LYPD6B: variants seen among roughly 807,000 people sequenced by gnomAD.
LYPD6B encodes the protein ly6/PLAUR domain-containing protein 6B.
In LYPD6B, 17 loss-of-function variants were observed where a neutral mutation model predicts 22.8. The ratio of observed to expected loss-of-function variants is 0.75; its 90% CI spans 0.51 to 1.12. LYPD6B has a LOEUF of 1.12. Among genes scored for constraint, LYPD6B ranks in the 50% most tolerant of loss-of-function variants. The pLI is 0.00. For missense variants in LYPD6B, 221 were observed against 258.3 expected (o/e 0.86, Z 0.99); for synonymous variants, 106 against 91.6 (o/e 1.16, Z -0.90).
At chr2:149,177,391 GTA>G (rs756923159) in intron 3 of LYPD6B, among the ~76,000 whole-genome samples, 2 of 152,182 alleles carry the variant, frequency 1.3e-5, no homozygotes, top group African/African-American at 2.4e-5. Flanking sequence ...TATCTTGGCA[GTA>G]AAGAGAGATG....
At chr2:149,185,382 C>T (rs72981296) in intron 3 of LYPD6B, among the ~76,000 whole-genome samples, 1 of 152,158 alleles carries the variant, frequency 6.6e-6, no homozygotes, top group East Asian at 1.9e-4. Flanking sequence ...GGGAACCTAT[C>T]CCTGATTAGA....
intron 3 of LYPD6B, among the ~76,000 whole-genome samples, chr2:149,201,959 A>G (rs1693188107): frequency 6.6e-6 from 1 of 152,216 alleles, no homozygotes; most frequent in African/African-American, 2.4e-5. Flanking sequence ...CCTCACTTGT[A>G]CAATGATAAT....
intron 3 of LYPD6B, among the ~76,000 whole-genome samples, chr2:149,195,359 A>G (rs551331762): frequency 5.9e-5 from 9 of 152,352 alleles, no homozygotes; most frequent in Middle Eastern, 3.4e-3. Flanking sequence ...CCTTCAAAGC[A>G]GAATGGGAAG....
intron 3 of LYPD6B, among the ~76,000 whole-genome samples, chr2:149,191,043 C>G (rs1481394560): frequency 6.6e-6 from 1 of 152,098 alleles, no homozygotes; most frequent in Non-Finnish European, 1.5e-5. Context: ...CAATTTTAAG[C>G]TTATACAAAT....
At chr2:149,147,956 T>C (rs1689141268) in intron 2 of LYPD6B, among the ~76,000 whole-genome samples, 1 of 108,216 alleles carries the variant, frequency 9.2e-6, no homozygotes, top group Non-Finnish European at 2.1e-5. Context: ...TCAGAGATGA[T>C]GGTAGTCATG....
At chr2:149,170,014 G>C (rs1269006551) in intron 3 of LYPD6B, among the ~76,000 whole-genome samples, 2 of 152,156 alleles carry the variant, frequency 1.3e-5, no homozygotes, top group East Asian at 3.9e-4. Flanking sequence ...AATGTGCCTT[G>C]GACATGGAAG....
rs373810823 is a variant in LYPD6B at position 149,191,849 on chromosome 2, G to A, written c.78-13404G>A. 3.7e-4 allele frequency among the ~76,000 whole-genome samples: 56 copies of A among 152,302 alleles called. No homozygotes were observed. The South Asian group carries it at 3.9e-3, about 11-fold the overall frequency. On this transcript the variant is annotated intron_variant, in intron 3 of 6. Transcript: ENST00000409642. ...TATTAGTTATATCCTAATATACCAT[G>A]AGAAAGTAAATAGTAATAACATAAA...
At chr2:149,214,406 A>G (rs939497250) in intron 6 of LYPD6B, 140 bp from the exon 7 acceptor site, 4 of 779,584 alleles carry the variant, frequency 5.1e-6, no homozygotes, top group Non-Finnish European at 2.1e-6. Flanking sequence ...CCAAGAGCCT[A>G]GATGATGCAA....
At chr2:149,187,794 G>C (rs1228271416) in intron 3 of LYPD6B, among the ~76,000 whole-genome samples, 1 of 152,258 alleles carries the variant, frequency 6.6e-6, no homozygotes, top group African/African-American at 2.4e-5. Flanking sequence ...TACAAAATTT[G>C]TGTTTGGCCG....
chr2:149,148,347 G>A (rs1689164235), intron 2 of LYPD6B, among the ~76,000 whole-genome samples: 1 of 152,212 alleles, frequency 6.6e-6, no homozygotes. Context: ...TTAAGGGCTG[G>A]AGGGAGTGAC....
chr2:149,075,295 ATAT>A (rs1360406588), intron 1 of LYPD6B, among the ~76,000 whole-genome samples: 1 of 152,216 alleles, frequency 6.6e-6, no homozygotes, highest in Admixed American at 6.6e-5. Context: ...TAGTAAACAA[ATAT>A]TATAGTAATA....
At chr2:149,129,691 G>A (rs1170112247) in intron 1 of LYPD6B, among the ~76,000 whole-genome samples, 2 of 152,214 alleles carry the variant, frequency 1.3e-5, no homozygotes, top group East Asian at 1.9e-4. Flanking sequence ...GGTGTATGCA[G>A]CATTCCCAGC....
intron 1 of LYPD6B, among the ~76,000 whole-genome samples, chr2:149,086,741 G>T (rs1292449615): frequency 6.6e-6 from 1 of 152,188 alleles, no homozygotes; most frequent in African/African-American, 2.4e-5. Context: ...CTGAGGCTGG[G>T]AGTCCAAGAT....
At chr2:149,077,411 GA>G (rs1328046011) in intron 1 of LYPD6B, 1 of 152,200 alleles carries the variant, frequency 6.6e-6, no homozygotes, top group Non-Finnish European at 1.5e-5. Context: ...CTTTGCATTT[GA>G]AAACCTTATT....
chr2:149,163,092 C>T (rs1244350419), intron 3 of LYPD6B, among the ~76,000 whole-genome samples: 1 of 152,124 alleles, frequency 6.6e-6, no homozygotes, highest in Non-Finnish European at 1.5e-5. Flanking sequence ...CCAGATTCAG[C>T]TCTGTGCCAA....
At chr2:149,151,761 A>G (rs973519619) in intron 2 of LYPD6B, among the ~76,000 whole-genome samples, 2 of 152,166 alleles carry the variant, frequency 1.3e-5, no homozygotes, top group African/African-American at 2.4e-5. Flanking sequence ...GGTGATTCTG[A>G]TGTACATCCC....
At chr2:149,181,669 C>T (rs551074340) in intron 3 of LYPD6B, among the ~76,000 whole-genome samples, 1 of 152,326 alleles carries the variant, frequency 6.6e-6, no homozygotes, top group African/African-American at 2.4e-5. Context: ...TCTGAATCCT[C>T]CATGGATAAT....
At chr2:149,138,643 G>A (rs999362978) in intron 2 of LYPD6B, among the ~76,000 whole-genome samples, 14 of 152,164 alleles carry the variant, frequency 9.2e-5, no homozygotes, top group African/African-American at 3.4e-4. Context: ...CTGGGCTCAA[G>A]CAATCCTGTC....
intron 3 of LYPD6B, chr2:149,187,372 C>T: frequency 1.4e-6 from 2 of 1,429,746 alleles, no homozygotes; most frequent in East Asian, 2.8e-5. Flanking sequence ...TCTGAGCCTG[C>T]TCTGCCATGG....
Sources: allele counts gnomAD v4.1 joint callset (sites outside exome capture counted in the v4.1 genomes callset), GRCh38; gene constraint gnomAD v4.1.1; transcripts MANE v1.5; gene names NCBI Gene and HGNC (gene_info 2026-07-23, HGNC 2026-07-21).